Variants in PDE11A observed in about 807,000 individuals in gnomAD.
PDE11A encodes the protein dual 3',5'-cyclic-AMP and -GMP phosphodiesterase 11A.
PDE11A carries 100 observed loss-of-function variants against 100.5 expected under a neutral mutation model. The ratio of observed to expected loss-of-function variants is 1.00; its 90% CI spans 0.85 to 1.18. PDE11A has a LOEUF of 1.18. Among genes scored for constraint, PDE11A ranks in the 50% most tolerant of loss-of-function variants. The pLI is 0.00. For synonymous variants in PDE11A, 381 were observed against 420.8 expected, an observed-to-expected ratio of 0.91 and a Z score of 1.16; for missense variants, 1,141 against 1,152.6, an observed-to-expected ratio of 0.99 and a Z score of 0.15.
intron 19 of PDE11A, among the ~76,000 whole-genome samples, chr2:177,650,440 T>C (rs76009679): frequency 0.037 from 5,598 of 152,316 alleles, 133 homozygotes; most frequent in African/African-American, 0.053. Flanking sequence ...CCTTCAGATT[T>C]TCTGTTCAGT....
rs536253865 is a variant in PDE11A, at chr2:178,024,770, C to T, written c.913-10310G>A. On this transcript the variant is annotated intron_variant, in intron 1 of 19. Coordinates refer to ENST00000286063, the MANE Select transcript of PDE11A (RefSeq NM_016953.4). ...GAAGCTCAAAAAATTGCTTTTATTG[C>T]TATATCATTTAGTAATACTCATTTA... is the stretch of plus-strand genomic sequence containing the variant. 3.9e-5 allele frequency among the ~76,000 whole-genome samples: 6 copies of T among 152,306 alleles called. No homozygotes were observed. In the East Asian group the frequency reaches 1.2e-3, roughly 29 times the overall value.
Position 177,625,312 on chromosome 2 carries a change from T to C in PDE11A, c.*4095A>G, listed in dbSNP as rs1276918426. Reference sequence around the variant, plus strand: ...AGCTAAACACGTCTTGGTCCTTTGGTGTGGGGACTGAATAAAAGTCAGTGC... The same window carrying C: ...AGCTAAACACGTCTTGGTCCTTTGGCGTGGGGACTGAATAAAAGTCAGTGC... On this transcript the variant is annotated 3_prime_UTR_variant, in exon 20 of 20. Coordinates refer to ENST00000286063, the MANE Select transcript of PDE11A (RefSeq NM_016953.4). The C allele has an allele frequency of 6.6e-6, 1 of 152,640 alleles. No homozygotes were observed. The highest frequency in any genetic ancestry group is 6.5e-5 in the Admixed American group (1 of 15,286). The allele number at this position is 152,640 out of a possible 1,614,324, so 9.5% of individuals were successfully genotyped here. A position where few individuals can be genotyped will look rare whatever the true frequency, so the allele number is the denominator to read the frequency against.
intron 6 of PDE11A, among the ~76,000 whole-genome samples, chr2:177,826,068 A>G (rs2083222077): frequency 6.6e-6 from 1 of 152,212 alleles, no homozygotes; most frequent in African/African-American, 2.4e-5. Flanking sequence ...TTACACCATT[A>G]GAGTCTCAAA....
At chr2:177,945,371 T>C (rs2085398481) in intron 2 of PDE11A, among the ~76,000 whole-genome samples, 2 of 134,046 alleles carry the variant, frequency 1.5e-5, no homozygotes, top group Non-Finnish European at 3.2e-5. Flanking sequence ...ATCTAGGAAG[T>C]GAGGAGCGCC....
At chr2:177,911,388 A>C (rs1038010687) in intron 2 of PDE11A, among the ~76,000 whole-genome samples, 8 of 152,206 alleles carry the variant, frequency 5.3e-5, no homozygotes, top group Admixed American at 2.0e-4. Flanking sequence ...AGCTTCATTC[A>C]CTGCAATTTT....
At chr2:177,828,111 T>C (rs922310982) in intron 6 of PDE11A, among the ~76,000 whole-genome samples, 5 of 152,196 alleles carry the variant, frequency 3.3e-5, no homozygotes, top group African/African-American at 9.6e-5. Context: ...AGAATATCTT[T>C]AAAATTTTTC....
chr2:177,846,022 G>C (rs926007578), intron 5 of PDE11A, among the ~76,000 whole-genome samples: 2 of 151,924 alleles, frequency 1.3e-5, no homozygotes, highest in Admixed American at 6.6e-5. Flanking sequence ...AAGAGAGGGA[G>C]GGGGAGACCG....
chr2:178,037,314 CAAT>C (rs1007888146), intron 1 of PDE11A, among the ~76,000 whole-genome samples: 1 of 152,166 alleles, frequency 6.6e-6, no homozygotes, highest in African/African-American at 2.4e-5. Context: ...ATCAAAACCA[CAAT>C]GAGATACCAT....
intron 2 of PDE11A, among the ~76,000 whole-genome samples, chr2:177,945,050 A>C: frequency 6.7e-6 from 1 of 148,496 alleles, no homozygotes. Context: ...TCCAGCCCCT[A>C]ACCGCGAGTG....
intron 1 of PDE11A, among the ~76,000 whole-genome samples, chr2:178,061,880 T>C (rs1289101114): frequency 6.6e-6 from 1 of 152,234 alleles, no homozygotes; most frequent in African/African-American, 2.4e-5. Flanking sequence ...CCCAAAGTCT[T>C]AAGTATGAAA....
intron 19 of PDE11A, among the ~76,000 whole-genome samples, chr2:177,635,086 C>G (rs888523953): frequency 6.6e-6 from 1 of 152,212 alleles, no homozygotes; most frequent in Non-Finnish European, 1.5e-5. Context: ...GAAACCCTTT[C>G]AGAGGCAGTG....
chr2:177,647,281 A>AT (rs1288850622), intron 19 of PDE11A, among the ~76,000 whole-genome samples: 2 of 152,194 alleles, frequency 1.3e-5, no homozygotes, highest in African/African-American at 2.4e-5. Flanking sequence ...TTCACTGTAC[A>AT]TTTTTTGTAT....
intron 5 of PDE11A, among the ~76,000 whole-genome samples, chr2:177,866,922 C>T (rs2105680421): frequency 6.6e-6 from 1 of 152,330 alleles, no homozygotes; most frequent in African/African-American, 2.4e-5. Context: ...CAGTGTTTTT[C>T]ACACTTTGGG....
intron 10 of PDE11A, among the ~76,000 whole-genome samples, chr2:177,753,469 C>T (rs1229840499): frequency 6.6e-6 from 1 of 151,966 alleles, no homozygotes; most frequent in African/African-American, 2.4e-5. Flanking sequence ...GGCACTGCAG[C>T]CTGTTATTCA....
chr2:177,695,526 T>C (rs1038340649), intron 15 of PDE11A, among the ~76,000 whole-genome samples: 9 of 152,212 alleles, frequency 5.9e-5, no homozygotes, highest in Non-Finnish European at 1.0e-4. Context: ...GCTTATAGAC[T>C]CCTAGCTTCT....
chr2:178,063,327 T>C (rs938454432), intron 1 of PDE11A, among the ~76,000 whole-genome samples: 1 of 152,220 alleles, frequency 6.6e-6, no homozygotes, highest in African/African-American at 2.4e-5. Context: ...ATTATGTATG[T>C]GTGGTACTGT....
chr2:177,818,037 A>AT (rs111900976), intron 7 of PDE11A, 112 bp from the exon 8 acceptor site: 7,456 of 698,676 alleles, frequency 0.011, 82 homozygotes, highest in East Asian at 0.043. Context: ...CACTCAGTTT[A>AT]AACTCTGGTC....
chr2:177,942,190 T>G (rs2085352709), intron 2 of PDE11A, among the ~76,000 whole-genome samples: 1 of 152,240 alleles, frequency 6.6e-6, no homozygotes, highest in African/African-American at 2.4e-5. Flanking sequence ...TCCCTCATTT[T>G]ATGACCTTGG....
At chr2:177,635,555 GT>G (rs2080026223) in intron 19 of PDE11A, among the ~76,000 whole-genome samples, 1 of 152,024 alleles carries the variant, frequency 6.6e-6, no homozygotes, top group Non-Finnish European at 1.5e-5. Context: ...AGTTTATTCC[GT>G]ATTTTATTTA....
Sources: gnomAD v4.1 joint callset for allele counts (sites outside exome capture counted in the v4.1 genomes callset) on GRCh38, gnomAD v4.1.1 for gene constraint, MANE v1.5 for transcripts, NCBI Gene and HGNC (gene_info 2026-07-23, HGNC 2026-07-21) for gene names.